Variants in IQSEC3 observed in about 807,000 individuals in gnomAD.
IQSEC3 encodes the protein IQ motif and SEC7 domain-containing protein 3.
IQSEC3 carries 50 observed loss-of-function variants against 105.4 expected under a neutral mutation model. The observed-to-expected ratio is 0.47, with a 90% CI of 0.38 to 0.60. The LOEUF (loss-of-function observed/expected upper bound fraction) is 0.60, where lower values mean the gene tolerates loss of function less well. IQSEC3 is among the 20% of genes least tolerant of loss of function. The pLI is 0.00. For synonymous variants in IQSEC3, 708 were observed against 746.0 expected (o/e 0.95, Z 0.83); for missense variants, 1,415 against 1,630.0 (o/e 0.87, Z 2.27).
At chr12:174,362 G>A (rs1032608736) in intron 13 of IQSEC3, among the ~76,000 whole-genome samples, 27 of 152,104 alleles carry the variant, frequency 1.8e-4, no homozygotes, top group Admixed American at 1.4e-3. Context: ...GACTGAGGCC[G>A]TACAGCGACA....
chr12:136,631 G>A (rs1021933412), intron 3 of IQSEC3, among the ~76,000 whole-genome samples: 2 of 152,132 alleles, frequency 1.3e-5, no homozygotes, highest in South Asian at 2.1e-4. Context: ...AACACGGGAC[G>A]TCCCTGTTCT....
rs566809343 is a variant in IQSEC3 at position 156,903 on chromosome 12, C to G, written c.2154-122C>G. The G allele has an allele frequency of 5.6e-5, 70 of 1,252,976 alleles. No homozygotes were observed. The African/African-American group carries it at 8.7e-4, about 16-fold the overall frequency. The allele number at this position is 1,252,976 out of a possible 1,614,324, so 77.6% of individuals were successfully genotyped here. ...TCTTGGGGCATTAAAGGGCGACCCC[C>G]GGGGGTGAGTAGCCTGAGGGGCCCT... On this transcript the variant is annotated intron_variant, in intron 5 of 13. Transcript: ENST00000538872.
At position 138,633 on chromosome 12, in the gene IQSEC3, A is replaced by G. The variant is rs782235919; in HGVS notation, c.1270A>G (p.Thr424Ala). The G allele has an allele frequency of 6.3e-7, 1 of 1,584,640 alleles. No individual in the cohort carries two copies. Among genetic ancestry groups the G allele is most frequent in the South Asian group, 1.1e-5 (1 of 88,574 alleles). Residue 424 changes from threonine (T) to alanine (A), a missense_variant, in exon 4 of 14, where the codon ACC becomes GCC. Physicochemically the swap from Thr to Ala is moderately conservative, Grantham distance 58. This residue lies in a region of IQSEC3 where 720 missense variants were observed against 633.0 expected (regional missense o/e 1.14). Transcript: ENST00000538872. The surrounding 1 kb of genome is among the most constrained non-coding windows in gnomAD (Gnocchi z 7.1). ...CGCGCTCAGCACGTGGAGCCTCAAG[A>G]CCATGTGCTCCCTGCGGGAGAGTGG... Reference protein sequence around the residue: ...DDALSTWSLKTMCSLRESGAY... With the variant: ...DDALSTWSLKAMCSLRESGAY...
chr12:100,703 A>G (rs1864396571), intron 2 of IQSEC3, among the ~76,000 whole-genome samples: 2 of 152,126 alleles, frequency 1.3e-5, no homozygotes, highest in Admixed American at 1.3e-4. Context: ...TGGGGACATA[A>G]AAGCACATAA....
intron 1 of IQSEC3, 27 bp from the exon 2 acceptor site, chr12:99,119 T>G: frequency 1.9e-6 from 3 of 1,590,384 alleles, no homozygotes; most frequent in Non-Finnish European, 2.6e-6. Flanking sequence ...CCTCAGGCGC[T>G]CTGATCTCCC....
intron 2 of IQSEC3, among the ~76,000 whole-genome samples, chr12:101,435 T>C (rs1555076141): frequency 1.3e-5 from 2 of 152,140 alleles, no homozygotes; most frequent in Admixed American, 1.3e-4. Context: ...CTTCAGCTTG[T>C]TGTTCACCTT....
At chr12:107,877 G>A (rs182985187) in intron 2 of IQSEC3, among the ~76,000 whole-genome samples, 49 of 152,230 alleles carry the variant, frequency 3.2e-4, no homozygotes, top group Admixed American at 1.3e-3. Context: ...ATGGATATCA[G>A]TTCTCTCCTT....
At chr12:162,189 A>G in intron 8 of IQSEC3, 124 bp downstream of exon 8, 1 of 1,127,738 alleles carries the variant, frequency 8.9e-7, no homozygotes, top group Non-Finnish European at 1.3e-6. Flanking sequence ...GATAGTTATG[A>G]AGTACCTACT....
chr12:112,586 C>A (rs1184325199), intron 2 of IQSEC3, among the ~76,000 whole-genome samples: 1 of 152,200 alleles, frequency 6.6e-6, no homozygotes, highest in Non-Finnish European at 1.5e-5. Flanking sequence ...ACCACACTGA[C>A]CTAGACAAGG....
chr12:174,509 G>A, intron 13 of IQSEC3, 90 bp from the exon 14 acceptor site: 5 of 1,174,774 alleles, frequency 4.3e-6, no homozygotes, highest in Non-Finnish European at 5.8e-6. Flanking sequence ...AGAGTGGGAG[G>A]GAGGCCAGGG....
intron 5 of IQSEC3, chr12:144,642 T>C (rs534491710): frequency 1.3e-5 from 2 of 152,224 alleles, no homozygotes; most frequent in Non-Finnish European, 2.9e-5. Context: ...GCATCATGAA[T>C]GCTGTGACAT....
At chr12:127,669 G>A (rs1347306086) in intron 3 of IQSEC3, among the ~76,000 whole-genome samples, 3 of 152,014 alleles carry the variant, frequency 2.0e-5, no homozygotes, top group Non-Finnish European at 4.4e-5. Context: ...CAGGCCCTTC[G>A]CCCACTTTTT....
intron 1 of IQSEC3, among the ~76,000 whole-genome samples, chr12:89,883 A>G (rs74991000): frequency 0.01 from 1,564 of 152,362 alleles, 19 homozygotes; most frequent in Admixed American, 0.014. Context: ...TTTTTTACAT[A>G]CATGAATAGT....
intron 2 of IQSEC3, among the ~76,000 whole-genome samples, chr12:103,201 G>A (rs1250427929): frequency 1.3e-5 from 2 of 151,642 alleles, no homozygotes; most frequent in African/African-American, 2.4e-5. Flanking sequence ...GGCTCTCAGT[G>A]ACAATGACCC....
chr12:102,519 A>G (rs1555076468), intron 2 of IQSEC3, among the ~76,000 whole-genome samples: 3 of 152,138 alleles, frequency 2.0e-5, no homozygotes, highest in South Asian at 4.2e-4. Context: ...CATCTATCTG[A>G]TCAGAGATGT....
chr12:86,989 T>C (rs1863937712), intron 1 of IQSEC3, among the ~76,000 whole-genome samples: 1 of 151,980 alleles, frequency 6.6e-6, no homozygotes, highest in South Asian at 2.1e-4. Context: ...TTCCCCAAAG[T>C]GTTCTGTGGC....
intron 1 of IQSEC3, among the ~76,000 whole-genome samples, chr12:69,338 C>G (rs1863218394): frequency 6.6e-6 from 1 of 152,276 alleles, no homozygotes; most frequent in Admixed American, 6.5e-5. Flanking sequence ...CTCAGTTGGT[C>G]CTGCTCGGAA....
In IQSEC3 at chr12:157,533, G is replaced by A. The variant is rs782396286; in HGVS notation, c.2282G>A (p.Arg761His). The stretch of plus-strand genomic sequence containing the variant: ...TGCATCTGACCCCCCCACAGCCAGC[G>A]CTACTGCATGTGCAACCCCGAAGTG... Reference protein sequence around the residue: ...VERLIEAFSQRYCMCNPEVVQ... With the variant: ...VERLIEAFSQHYCMCNPEVVQ... Residue 761 changes from arginine (R) to histidine (H), a missense_variant, in exon 7 of 14, where the codon CGC (arginine) becomes CAC (histidine). Coordinates refer to ENST00000538872, the MANE Select transcript of IQSEC3 (RefSeq NM_001170738.2). 2.0e-5 allele frequency: 33 copies of A among 1,612,728 alleles called. No individual in the cohort carries two copies. The highest frequency in any genetic ancestry group is 9.9e-5 in the South Asian group (9 of 90,870).
At chr12:147,542 G>A (rs563943899) in intron 5 of IQSEC3, among the ~76,000 whole-genome samples, 2 of 152,108 alleles carry the variant, frequency 1.3e-5, no homozygotes, top group Non-Finnish European at 2.9e-5. Context: ...TCCAGCCTCC[G>A]TGCGTCATTC....
Sources: gnomAD v4.1 joint callset for allele counts (sites outside exome capture counted in the v4.1 genomes callset) on GRCh38, gnomAD v4.1.1 for gene constraint, gnomAD v4.1.1 regional missense constraint, Gnocchi (gnomAD v3.1) non-coding constraint, MANE v1.5 for transcripts, NCBI Gene and HGNC (gene_info 2026-07-23, HGNC 2026-07-21) for gene names.